DLGAP2: variants seen among roughly 807,000 people sequenced by gnomAD.
DLGAP2 encodes disks large-associated protein 2.
Under a neutral mutation model 100.3 loss-of-function variants are expected in DLGAP2, and 26 were observed. The ratio of observed to expected loss-of-function variants is 0.26; its 90% CI spans 0.19 to 0.36. The LOEUF (loss-of-function observed/expected upper bound fraction) is 0.36, where lower values mean the gene tolerates loss of function less well. Among genes scored for constraint, DLGAP2 ranks in the 10% least tolerant of loss-of-function variants. The pLI is 1.00. For synonymous variants in DLGAP2, 886 were observed against 630.1 expected (o/e 1.41, Z -6.08); for missense variants, 1,858 against 1,453.2 (o/e 1.28, Z -4.53).
intron 2 of DLGAP2, among the ~76,000 whole-genome samples, chr8:1,205,100 A>G (rs1042784903): frequency 6.6e-6 from 1 of 152,196 alleles, no homozygotes; most frequent in African/African-American, 2.4e-5. Context: ...CCTGTCCGTC[A>G]AGGAGGGGCC....
At chr8:822,521 G>T (rs1009461214) in intron 1 of DLGAP2, among the ~76,000 whole-genome samples, 2 of 152,236 alleles carry the variant, frequency 1.3e-5, no homozygotes, top group African/African-American at 4.8e-5. Flanking sequence ...GTGAGAGAAT[G>T]TTGAGAAATT....
At chr8:868,984 C>T (rs1327889571) in intron 1 of DLGAP2, among the ~76,000 whole-genome samples, 3 of 152,144 alleles carry the variant, frequency 2.0e-5, no homozygotes, top group Non-Finnish European at 2.9e-5. Context: ...CTTTGATTAC[C>T]GTTTGGTCTA....
chr8:1,624,105 C>T (rs1037623259), intron 6 of DLGAP2, among the ~76,000 whole-genome samples: 6 of 152,136 alleles, frequency 3.9e-5, no homozygotes, highest in South Asian at 2.1e-4. Context: ...ATCCAGAGGA[C>T]GAGAATCCTT....
chr8:1,366,417 C>A (rs565217013), intron 3 of DLGAP2, among the ~76,000 whole-genome samples: 7 of 152,314 alleles, frequency 4.6e-5, no homozygotes, highest in African/African-American at 1.7e-4. Flanking sequence ...GAACCAAGCG[C>A]ACTGTGTCCT....
intron 2 of DLGAP2, among the ~76,000 whole-genome samples, chr8:1,157,954 C>T (rs897691132): frequency 5.9e-5 from 9 of 152,198 alleles, no homozygotes; most frequent in African/African-American, 2.2e-4. Context: ...ACTGTGCCTT[C>T]AAGAGTATCA....
chr8:862,364 A>G (rs1045459361), intron 1 of DLGAP2, among the ~76,000 whole-genome samples: 1 of 149,774 alleles, frequency 6.7e-6, no homozygotes, highest in Non-Finnish European at 1.5e-5. Context: ...GTGCAGTGGC[A>G]TAATCTCAGC....
intron 3 of DLGAP2, among the ~76,000 whole-genome samples, chr8:1,329,105 G>A (rs1801091010): frequency 6.6e-6 from 1 of 152,372 alleles, no homozygotes; most frequent in Non-Finnish European, 1.5e-5. Context: ...CGAGTGGGAA[G>A]AAAAGTCTTC....
chr8:1,606,929 C>T (rs751802211), intron 6 of DLGAP2, among the ~76,000 whole-genome samples: 4 of 152,312 alleles, frequency 2.6e-5, no homozygotes, highest in East Asian at 1.9e-4. Flanking sequence ...GAGAGATCCA[C>T]CTACCGCAGC....
chr8:770,028 C>T (rs185909836), intron 1 of DLGAP2, among the ~76,000 whole-genome samples: 43 of 152,214 alleles, frequency 2.8e-4, no homozygotes, highest in Admixed American at 2.0e-3. Context: ...GCTTTAAGTA[C>T]GAATAATAGT....
At chr8:1,216,102 G>T (rs918086850) in intron 2 of DLGAP2, among the ~76,000 whole-genome samples, 3 of 152,196 alleles carry the variant, frequency 2.0e-5, no homozygotes, top group Non-Finnish European at 2.9e-5. Context: ...GTGAAAGGAG[G>T]TTCTGTTTTC....
intron 2 of DLGAP2, among the ~76,000 whole-genome samples, chr8:1,085,396 C>G (rs1233261984): frequency 6.6e-6 from 1 of 152,052 alleles, no homozygotes; most frequent in Non-Finnish European, 1.5e-5. Context: ...CTTTTGTTAC[C>G]TGCGCTTTTG....
chr8:1,640,032 C>T (rs954879723), intron 8 of DLGAP2, among the ~76,000 whole-genome samples: 5 of 152,118 alleles, frequency 3.3e-5, no homozygotes, highest in Non-Finnish European at 5.9e-5. Context: ...TTTGGAGGGG[C>T]GTTATTCTGT....
chr8:845,243 G>A (rs145590647), intron 1 of DLGAP2, among the ~76,000 whole-genome samples: 1 of 152,332 alleles, frequency 6.6e-6, no homozygotes, highest in East Asian at 1.9e-4. Context: ...GTTGCAGCAT[G>A]AGTTTACGTT....
intron 3 of DLGAP2, among the ~76,000 whole-genome samples, chr8:1,459,852 A>G (rs1003156410): frequency 2.0e-5 from 3 of 151,814 alleles, no homozygotes. Flanking sequence ...CGCCCGGCTA[A>G]TTTTTGTGTT....
chr8:1,019,297 G>C (rs760236007), intron 2 of DLGAP2: 7 of 152,084 alleles, frequency 4.6e-5, no homozygotes, highest in Non-Finnish European at 8.8e-5. Context: ...GCCTCTCTCT[G>C]TGGTGGTTTT....
At chr8:1,029,816 G>C (rs924816179) in intron 2 of DLGAP2, among the ~76,000 whole-genome samples, 1 of 152,208 alleles carries the variant, frequency 6.6e-6, no homozygotes, top group Admixed American at 6.5e-5. Flanking sequence ...GGAGGGGCAG[G>C]TGGGGTCAAA....
At chr8:741,392 C>G (rs1820479995) in intron 1 of DLGAP2, among the ~76,000 whole-genome samples, 1 of 152,162 alleles carries the variant, frequency 6.6e-6, no homozygotes, top group Non-Finnish European at 1.5e-5. Context: ...TCATGTCATT[C>G]TTCTGTGCAC....
At chr8:1,549,968 C>G (rs1010029608) in intron 5 of DLGAP2, among the ~76,000 whole-genome samples, 7 of 152,202 alleles carry the variant, frequency 4.6e-5, no homozygotes, top group African/African-American at 1.7e-4. Flanking sequence ...CAACAGGTCT[C>G]TTGAGCTGAC....
At chr8:1,368,132 T>G (rs1214069330) in intron 3 of DLGAP2, among the ~76,000 whole-genome samples, 1 of 152,236 alleles carries the variant, frequency 6.6e-6, no homozygotes, top group South Asian at 2.1e-4. Flanking sequence ...CATGTGCGTG[T>G]ATGCATGTGT....
Sources: allele counts gnomAD v4.1 joint callset (sites outside exome capture counted in the v4.1 genomes callset), GRCh38; gene constraint gnomAD v4.1.1; transcripts MANE v1.5; gene names NCBI Gene and HGNC (gene_info 2026-07-23, HGNC 2026-07-21).